The following ELF2 variants were observed in gnomAD, a reference collection of about 807,000 sequenced individuals.
The protein encoded by ELF2 is E74 like ETS transcription factor 2, also known as ETS-related transcription factor Elf-2.
In ELF2, 11 loss-of-function variants were observed where a neutral mutation model predicts 54.8. The observed-to-expected ratio is 0.20, with a 90% confidence interval of 0.13 to 0.33. The LOEUF is 0.33. Ranked by LOEUF, ELF2 falls within the 10% of genes least tolerant of loss-of-function variation. The pLI, the probability that ELF2 is intolerant of heterozygous loss-of-function variation, is 1.00. For missense variants in ELF2, 513 were observed against 703.0 expected (o/e 0.73, Z 3.06); for synonymous variants, 203 against 245.1 (o/e 0.83, Z 1.61).
Position 139,060,587 on chromosome 4 carries a change from G to T in ELF2, c.894C>A (p.Val298=), listed in dbSNP as rs1413284375. 4 of 1,613,948 alleles carry T rather than the reference G, an allele frequency of 2.5e-6. No homozygotes were observed. In the South Asian group the frequency reaches 3.3e-5, roughly 13 times the overall value. The change falls in exon 9 of 10, where the codon GTC becomes GTA. Residue 298 remains valine, a synonymous_variant. Coordinates refer to ENST00000686138, the MANE Select transcript of ELF2 (RefSeq NM_001331036.3). ...AGGTTTCACTTTTGTCATCATCTAT[G>T]ACCACTATGTTTTTCGGCATATCCT... The part of the protein sequence containing the change: ...QFKDMPKNIV[V]IDDDKSETCN...
rs759267275 is a variant in ELF2, at chr4:139,111,491, CTT to C, written c.238+13671_238+13672del. Among the ~76,000 whole-genome samples the C allele has an allele frequency of 6.2e-3, 851 of 136,248 alleles. 5 individuals are homozygous for C. Among genetic ancestry groups the C allele is most frequent in the African/African-American group, 0.022 (804 of 37,138 alleles). The allele number at this position is 136,248 out of a possible 152,430, so 89.4% of individuals were successfully genotyped here. ...TACAGGTCCATGCCACCATACCAAC[CTT>C]TTTTTTTTTTTTTTTGTACAGACAA... On this transcript the variant is annotated intron_variant, in intron 4 of 9. Coordinates refer to ENST00000686138, the MANE Select transcript of ELF2 (RefSeq NM_001331036.3).
chr4:139,089,608 T>C (rs1287731961), intron 4 of ELF2, among the ~76,000 whole-genome samples: 1 of 152,238 alleles, frequency 6.6e-6, no homozygotes, highest in African/African-American at 2.4e-5. Flanking sequence ...GGTACATAAA[T>C]GTCATTAAAC....
intron 4 of ELF2, among the ~76,000 whole-genome samples, chr4:139,122,213 G>T (rs1388039771): frequency 6.6e-6 from 1 of 152,160 alleles, no homozygotes; most frequent in Non-Finnish European, 1.5e-5. Context: ...CATACACAGG[G>T]AAGTATTCTA....
intron 6 of ELF2, among the ~76,000 whole-genome samples, chr4:139,069,452 C>T (rs1729199871): frequency 6.6e-6 from 1 of 152,124 alleles, no homozygotes; most frequent in African/African-American, 2.4e-5. Flanking sequence ...ATGAATCAGA[C>T]AGTAATAAAA....
intron 1 of ELF2, among the ~76,000 whole-genome samples, chr4:139,150,830 C>T (rs560549384): frequency 2.0e-5 from 3 of 151,646 alleles, no homozygotes; most frequent in African/African-American, 7.3e-5. Context: ...AGACCATCCT[C>T]GCTAACACGG....
At chr4:139,140,649 T>C (rs992699893) in intron 1 of ELF2, among the ~76,000 whole-genome samples, 14 of 151,360 alleles carry the variant, frequency 9.2e-5, no homozygotes, top group Non-Finnish European at 1.8e-4. Context: ...AGCTACTTGG[T>C]AGGCTGAGGT....
chr4:139,115,465 G>T (rs746496206), intron 4 of ELF2: 42 of 922,018 alleles, frequency 4.6e-5, no homozygotes, highest in East Asian at 3.5e-4. Context: ...AGCTCGCCGC[G>T]GCGAGGGCAG....
chr4:139,066,811 A>T (rs1728779657), intron 7 of ELF2: 1 of 152,060 alleles, frequency 6.6e-6, no homozygotes, highest in South Asian at 2.1e-4. Context: ...CAGTAGCGCA[A>T]GGCTGCAGTG....
At chr4:139,169,840 G>C (rs1203547140) in intron 1 of ELF2, among the ~76,000 whole-genome samples, 1 of 143,414 alleles carries the variant, frequency 7.0e-6, no homozygotes, top group Non-Finnish European at 1.5e-5. Flanking sequence ...CTGCGCGACA[G>C]AGCGAGACTC....
intron 4 of ELF2, among the ~76,000 whole-genome samples, chr4:139,108,423 ATG>A (rs1287661229): frequency 4.6e-4 from 70 of 152,226 alleles, no homozygotes; most frequent in African/African-American, 1.6e-3. Flanking sequence ...ATTAATAACT[ATG>A]TTATGGAAGC....
chr4:139,122,479 TTTGA>T (rs1028191487), intron 4 of ELF2, among the ~76,000 whole-genome samples: 4 of 137,142 alleles, frequency 2.9e-5, no homozygotes, highest in Non-Finnish European at 4.7e-5. Context: ...TAAAAATGCA[TTTGA>T]TTCTTTTTTT....
At chr4:139,079,097 T>A (rs373534201) in intron 4 of ELF2, among the ~76,000 whole-genome samples, 3 of 151,608 alleles carry the variant, frequency 2.0e-5, no homozygotes, top group African/African-American at 4.9e-5. Flanking sequence ...AGCTAATTTT[T>A]TGATTTTTTT....
intron 1 of ELF2, among the ~76,000 whole-genome samples, chr4:139,151,039 A>AGGAAAGGAAAGGAAAGGAAAGGAAAG (rs1491194335): frequency 1.7e-5 from 1 of 59,242 alleles, no homozygotes; most frequent in African/African-American, 4.4e-5. Flanking sequence ...AAAAAAAGAA[A>AGGAAAGGAAAGGAAAGGAAAGGAAAG]GAAAGAAAGA....
intron 1 of ELF2, among the ~76,000 whole-genome samples, chr4:139,141,959 A>T (rs1738747755): frequency 6.6e-6 from 1 of 152,224 alleles, no homozygotes; most frequent in Non-Finnish European, 1.5e-5. Flanking sequence ...AGGATAACCC[A>T]AGCACTCCAT....
intron 1 of ELF2, among the ~76,000 whole-genome samples, chr4:139,148,529 GGTTCCTTTC>G (rs1197080544): frequency 6.6e-6 from 1 of 151,312 alleles, no homozygotes; most frequent in African/African-American, 2.4e-5. Context: ...AAGTTTTCAA[GGTTCCTTTC>G]ATTTACATGT....
rs913193447 is a variant in ELF2, at chr4:139,153,948, T to G, written c.-251-14451A>C. Among the ~76,000 whole-genome samples the G allele has an allele frequency of 4.6e-5, 7 of 152,252 alleles. No homozygotes were observed. The South Asian group carries it at 1.5e-3, about 32-fold the overall frequency. On this transcript the variant is annotated intron_variant, in intron 1 of 9. Transcript: ENST00000686138. ...GACCATACTCTCCCCCTCTTTATTT[T>G]TTCTTTCCCCTTTCCCTACTGTCCC...
chr4:139,114,010 T>C (rs1424488179), intron 4 of ELF2, among the ~76,000 whole-genome samples: 5 of 152,210 alleles, frequency 3.3e-5, no homozygotes, highest in Non-Finnish European at 5.9e-5. Flanking sequence ...AATCGTGCTA[T>C]TTTAACGAGC....
intron 4 of ELF2, among the ~76,000 whole-genome samples, chr4:139,117,598 GGCACAAGAA>G (rs1396692975): frequency 7.2e-5 from 11 of 152,106 alleles, no homozygotes; most frequent in Admixed American, 1.3e-4. Context: ...AGGAGACTGA[GGCACAAGAA>G]TTGCTTGAAC....
Position 139,125,197 on chromosome 4 carries a change from C to T in ELF2, c.205G>A (p.Glu69Lys). Residue 69 changes from glutamate to lysine, a missense_variant, in exon 4 of 10, where the codon GAA becomes AAA. Physicochemically the swap from Glu to Lys is moderately conservative, Grantham distance 56. Transcript: ENST00000686138. ...ACATTCTCGGTCTCAACTTCTTGTT[C>T]TTCTGCCACATCTTGCATCATATAA... ...ETYMMQDVAE[E>K]QEVETENVET... 1.2e-6 allele frequency: 2 copies of T among 1,612,760 alleles called. No individual in the cohort carries two copies. The highest frequency in any genetic ancestry group is 1.7e-6 in the Non-Finnish European group (2 of 1,179,604).
Sources: allele counts gnomAD v4.1 joint callset (sites outside exome capture counted in the v4.1 genomes callset), GRCh38; gene constraint gnomAD v4.1.1; transcripts MANE v1.5; gene names NCBI Gene and HGNC (gene_info 2026-07-23, HGNC 2026-07-21).